Variants in MSI2 observed in about 807,000 individuals in gnomAD.
The protein encoded by MSI2 is RNA-binding protein Musashi homolog 2.
MSI2 carries 17 observed loss-of-function variants against 45.6 expected under a neutral mutation model. That is an observed-to-expected ratio of 0.37 (90% CI 0.26 to 0.56). The LOEUF is 0.56. Ranked by LOEUF, MSI2 falls within the 20% of genes least tolerant of loss-of-function variation. The pLI is 0.77. For synonymous variants in MSI2, 156 were observed against 158.2 expected (o/e 0.99, Z 0.11); for missense variants, 293 against 444.2 (o/e 0.66, Z 3.06).
intron 4 of MSI2, among the ~76,000 whole-genome samples, chr17:57,259,695 T>C (rs1907134036): frequency 6.6e-6 from 1 of 152,244 alleles, no homozygotes; most frequent in South Asian, 2.1e-4. Context: ...TGATAACAGA[T>C]GTCTGAAAAA....
At chr17:57,285,454 C>T (rs778489027) in intron 5 of MSI2, among the ~76,000 whole-genome samples, 33 of 152,190 alleles carry the variant, frequency 2.2e-4, no homozygotes, top group Non-Finnish European at 4.0e-4. Context: ...TCCATTTTCA[C>T]GGTGAACCGC....
chr17:57,484,172 G>A (rs1020063394), intron 6 of MSI2, among the ~76,000 whole-genome samples: 1 of 152,222 alleles, frequency 6.6e-6, no homozygotes, highest in African/African-American at 2.4e-5. Context: ...CTTCCTCCCT[G>A]TGACTGTTCT....
intron 10 of MSI2, chr17:57,632,655 T>C: frequency 9.4e-7 from 1 of 1,066,124 alleles, no homozygotes; most frequent in Non-Finnish European, 1.1e-6. Context: ...CTTAGAAGGA[T>C]CTTTTCCCAT....
At chr17:57,373,844 G>C (rs781462629) in intron 5 of MSI2, among the ~76,000 whole-genome samples, 4 of 152,140 alleles carry the variant, frequency 2.6e-5, no homozygotes, top group Non-Finnish European at 5.9e-5. Flanking sequence ...ACACCTCCCT[G>C]GCCATGTTGC....
At chr17:57,293,339 A>G (rs1003607377) in intron 5 of MSI2, among the ~76,000 whole-genome samples, 1 of 152,034 alleles carries the variant, frequency 6.6e-6, no homozygotes, top group Admixed American at 6.5e-5. Flanking sequence ...GCATTCCAGC[A>G]TGGGAGGCGG....
chr17:57,320,064 T>C (rs1913202877), intron 5 of MSI2, among the ~76,000 whole-genome samples: 1 of 152,176 alleles, frequency 6.6e-6, no homozygotes, highest in African/African-American at 2.4e-5. Flanking sequence ...TCAGCTTCTC[T>C]GGAATGACAG....
chr17:57,325,329 TA>T (rs948270864), intron 5 of MSI2, among the ~76,000 whole-genome samples: 7 of 152,056 alleles, frequency 4.6e-5, no homozygotes, highest in Non-Finnish European at 8.8e-5. Flanking sequence ...GGGTGAAGGA[TA>T]AAAAAACTAC....
intron 5 of MSI2, among the ~76,000 whole-genome samples, chr17:57,399,229 T>C (rs1314957509): frequency 2.0e-5 from 3 of 152,196 alleles, no homozygotes; most frequent in African/African-American, 4.8e-5. Flanking sequence ...ATAGAATTTT[T>C]CACATGCACT....
upstream of MSI2, among the ~76,000 whole-genome samples, chr17:57,256,365 C>T (rs1189400977): frequency 2.0e-5 from 3 of 151,204 alleles, no homozygotes; most frequent in Admixed American, 1.3e-4. Context: ...AGGCGGGGGC[C>T]GCACGGGGGT....
chr17:57,372,676 G>A (rs955944681), intron 5 of MSI2, among the ~76,000 whole-genome samples: 3 of 152,116 alleles, frequency 2.0e-5, no homozygotes, highest in Non-Finnish European at 2.9e-5. Context: ...AAATGATACA[G>A]AAACCAATAG....
At chr17:57,333,066 A>T (rs1394340797) in intron 5 of MSI2, among the ~76,000 whole-genome samples, 2 of 152,158 alleles carry the variant, frequency 1.3e-5, no homozygotes, top group Non-Finnish European at 2.9e-5. Flanking sequence ...CAAGAGTCAG[A>T]TGCCAGGGCT....
intron 7 of MSI2, among the ~76,000 whole-genome samples, chr17:57,563,262 C>T (rs572490466): frequency 7.9e-5 from 12 of 152,218 alleles, no homozygotes; most frequent in African/African-American, 2.9e-4. Context: ...CCTACCCCAT[C>T]CACGTGGACC....
chr17:57,589,276 C>T (rs1598427783), intron 7 of MSI2, among the ~76,000 whole-genome samples: 1 of 152,312 alleles, frequency 6.6e-6, no homozygotes, highest in Non-Finnish European at 1.5e-5. Flanking sequence ...ACATGGCAGC[C>T]AGTAATCAGA....
At chr17:57,459,152 A>G (rs2085174546) in intron 6 of MSI2, among the ~76,000 whole-genome samples, 1 of 152,158 alleles carries the variant, frequency 6.6e-6, no homozygotes, top group Admixed American at 6.5e-5. Context: ...AAGGTAAACC[A>G]TTTGTGGTGT....
In MSI2 at chr17:57,515,192, A is replaced by G. The variant is rs1268210035; in HGVS notation, c.406-14484A>G. On this transcript the variant is annotated intron_variant, in intron 6 of 13. Transcript: ENST00000284073. ...ACCACTGGGTTTGATGCTCTTTTTT[A>G]TCTGAGTCTATTTTGTTTTGTTTTG... Among the ~76,000 whole-genome samples the G allele has an allele frequency of 4.6e-5, 7 of 152,268 alleles. No individual in the cohort carries two copies. The East Asian group carries it at 1.4e-3, about 29-fold the overall frequency.
At chr17:57,656,269 C>G (rs1393896895) in intron 11 of MSI2, among the ~76,000 whole-genome samples, 1 of 152,218 alleles carries the variant, frequency 6.6e-6, no homozygotes, top group Non-Finnish European at 1.5e-5. Flanking sequence ...TCTAGCCTTC[C>G]TCACTGAGGT....
chr17:57,277,222 A>T (rs1479160078), intron 5 of MSI2, among the ~76,000 whole-genome samples: 1 of 151,478 alleles, frequency 6.6e-6, no homozygotes, highest in Non-Finnish European at 1.5e-5. Context: ...CACCCAGCTA[A>T]TTTTTTTGTA....
chr17:57,275,183 A>G (rs1188374052), intron 5 of MSI2, among the ~76,000 whole-genome samples: 1 of 152,220 alleles, frequency 6.6e-6, no homozygotes, highest in Non-Finnish European at 1.5e-5. Context: ...ACTTCATTTC[A>G]CAAAAGCCAC....
At chr17:57,549,830 T>A (rs1290320617) in intron 7 of MSI2, among the ~76,000 whole-genome samples, 1 of 152,212 alleles carries the variant, frequency 6.6e-6, no homozygotes, top group African/African-American at 2.4e-5. Context: ...CATCAGTAGT[T>A]GGCAGAGATC....
Sources: allele counts gnomAD v4.1 joint callset (sites outside exome capture counted in the v4.1 genomes callset), GRCh38; gene constraint gnomAD v4.1.1; transcripts MANE v1.5; gene names NCBI Gene and HGNC (gene_info 2026-07-23, HGNC 2026-07-21).